The following FOXO3 variants were observed in gnomAD, a reference collection of about 807,000 sequenced individuals.
FOXO3 encodes the protein forkhead box O3.
FOXO3 carries 4 observed loss-of-function variants against 41.9 expected under a neutral mutation model. That is an observed-to-expected ratio of 0.10 (90% CI 0.05 to 0.22). The LOEUF (loss-of-function observed/expected upper bound fraction) is 0.22, where lower values mean the gene tolerates loss of function less well. Ranked by LOEUF, FOXO3 falls within the 10% of genes least tolerant of loss-of-function variation. The pLI, the probability that FOXO3 is intolerant of heterozygous loss-of-function variation, is 1.00. For missense variants in FOXO3, 534 were observed against 906.8 expected (o/e 0.59, Z 5.28); for synonymous variants, 318 against 389.3 (o/e 0.82, Z 2.16).
At chr6:108,605,342 C>T (rs1777168287) in intron 1 of FOXO3, among the ~76,000 whole-genome samples, 1 of 152,200 alleles carries the variant, frequency 6.6e-6, no homozygotes, top group African/African-American at 2.4e-5. Context: ...TGGTCTCGAA[C>T]TCCTGACCTT....
At chr6:108,618,816 C>G (rs539294887) in intron 1 of FOXO3, among the ~76,000 whole-genome samples, 83 of 152,286 alleles carry the variant, frequency 5.5e-4, no homozygotes, top group African/African-American at 1.8e-3. Context: ...TTGTGCTGCT[C>G]TCTTCTCCTG....
chr6:108,582,288 C>CA (rs1291481828), intron 1 of FOXO3, among the ~76,000 whole-genome samples: 1 of 152,154 alleles, frequency 6.6e-6, no homozygotes, highest in Non-Finnish European at 1.5e-5. Context: ...GCAGGCCCAG[C>CA]AGGCTTGGGC....
intron 1 of FOXO3, among the ~76,000 whole-genome samples, chr6:108,595,732 C>T (rs1039206470): frequency 6.6e-6 from 1 of 152,172 alleles, no homozygotes; most frequent in Non-Finnish European, 1.5e-5. Context: ...ATCTCCTCTC[C>T]TGTTTTAAGT....
intron 1 of FOXO3, among the ~76,000 whole-genome samples, chr6:108,652,215 T>C (rs535127354): frequency 6.6e-6 from 1 of 152,320 alleles, no homozygotes; most frequent in African/African-American, 2.4e-5. Context: ...AGTTTATGGC[T>C]ATAGTAATAT....
intron 1 of FOXO3, among the ~76,000 whole-genome samples, chr6:108,618,940 C>T (rs150623228): frequency 6.6e-6 from 1 of 152,338 alleles, no homozygotes; most frequent in Non-Finnish European, 1.5e-5. Context: ...GTTCCCCCTT[C>T]TCTTTGCTGT....
intron 1 of FOXO3, among the ~76,000 whole-genome samples, chr6:108,640,576 G>A (rs1190614043): frequency 1.3e-5 from 2 of 151,984 alleles, no homozygotes; most frequent in Non-Finnish European, 2.9e-5. Flanking sequence ...TTTTTTTAAT[G>A]CATCGTTTTC....
intron 1 of FOXO3, among the ~76,000 whole-genome samples, chr6:108,661,752 T>G (rs1407841558): frequency 6.6e-6 from 1 of 152,226 alleles, no homozygotes; most frequent in South Asian, 2.1e-4. Flanking sequence ...GTGGCAGAGA[T>G]AGGACTGAAT....
chr6:108,613,451 G>A (rs1347966918), intron 1 of FOXO3, among the ~76,000 whole-genome samples: 1 of 152,114 alleles, frequency 6.6e-6, no homozygotes, highest in Non-Finnish European at 1.5e-5. Flanking sequence ...TCTTGAATGA[G>A]TTTTGGTAGT....
At chr6:108,572,789 G>C (rs1776141562) in intron 1 of FOXO3, among the ~76,000 whole-genome samples, 1 of 152,100 alleles carries the variant, frequency 6.6e-6, no homozygotes, top group South Asian at 2.1e-4. Context: ...TACTCAACTA[G>C]GTTTTTTATG....
intron 1 of FOXO3, among the ~76,000 whole-genome samples, chr6:108,640,953 G>C (rs769483759): frequency 1.3e-5 from 2 of 152,002 alleles, no homozygotes; most frequent in Non-Finnish European, 2.9e-5. Context: ...CCACTCTGTC[G>C]CCCAGGCTAG....
chr6:108,598,153 A>G (rs1180628150), intron 1 of FOXO3, among the ~76,000 whole-genome samples: 1 of 152,174 alleles, frequency 6.6e-6, no homozygotes, highest in Non-Finnish European at 1.5e-5. Context: ...AATAATGTAC[A>G]ACACTGTGGG....
chr6:108,654,495 G>A (rs569100254), intron 1 of FOXO3, among the ~76,000 whole-genome samples: 51 of 152,184 alleles, frequency 3.4e-4, no homozygotes, highest in African/African-American at 1.0e-3. Flanking sequence ...AGCCTCATAT[G>A]TCTCATTTTG....
Position 108,561,745 on chromosome 6 carries a change from T to C in FOXO3, c.537T>C (p.Thr179=). 1 of 1,607,898 alleles carries C rather than the reference T, an allele frequency of 6.2e-7. No homozygotes were observed. Among genetic ancestry groups the C allele is most frequent in the South Asian group, 1.1e-5 (1 of 90,386 alleles). The change falls in exon 1 of 3, where the codon ACT becomes ACC. Residue 179 remains threonine, a synonymous_variant. Coordinates refer to ENST00000406360, the MANE Select transcript of FOXO3 (RefSeq NM_001455.4). Reference sequence around the variant, plus strand: ...AGAGCTCCCCGGACAAACGGCTCACTCTGTCCCAGATCTACGAGTGGATGG... The same window carrying C: ...AGAGCTCCCCGGACAAACGGCTCACCCTGTCCCAGATCTACGAGTGGATGG... The part of the protein sequence containing the change: ...AIESSPDKRL[T]LSQIYEWMVR...
In FOXO3 at chr6:108,596,382, GAAA is replaced by G. The variant is rs61683111; in HGVS notation, c.621+34575_621+34577del. The stretch of plus-strand genomic sequence containing the variant: ...TGGACTCCTGGTTAATGGCCTAAAT[GAAA>G]AAAAAAAAAAAAAAAAAAAAAGTTC... On this transcript the variant is annotated intron_variant, in intron 1 of 2. Transcript: ENST00000406360. Among the ~76,000 whole-genome samples, 111 of 58,258 alleles carry G rather than the reference GAAA, an allele frequency of 1.9e-3. 1 individual carries two copies. In the East Asian group the frequency reaches 0.022, roughly 12 times the overall value. 38.2% of individuals were successfully genotyped at this position (58,258 alleles called of 152,430 possible). A position where few individuals can be genotyped will look rare whatever the true frequency, so the allele number is the denominator to read the frequency against.
chr6:108,620,030 A>G (rs2128372455), intron 1 of FOXO3, among the ~76,000 whole-genome samples: 1 of 152,342 alleles, frequency 6.6e-6, no homozygotes, highest in Non-Finnish European at 1.5e-5. Context: ...TGCTGTAGTC[A>G]TAGTGAATCA....
intron 1 of FOXO3, among the ~76,000 whole-genome samples, chr6:108,610,983 G>A (rs1262220792): frequency 2.0e-5 from 3 of 152,034 alleles, no homozygotes; most frequent in African/African-American, 2.4e-5. Flanking sequence ...ACATTTCATC[G>A]CCACAAAAAA....
At chr6:108,640,998 G>A (rs910522087) in intron 1 of FOXO3, among the ~76,000 whole-genome samples, 7 of 152,042 alleles carry the variant, frequency 4.6e-5, no homozygotes, top group African/African-American at 1.7e-4. Context: ...ACTGCATCCT[G>A]TGTCTCCTAG....
At chr6:108,660,487 C>T (rs1356495133) in intron 1 of FOXO3, among the ~76,000 whole-genome samples, 1 of 152,176 alleles carries the variant, frequency 6.6e-6, no homozygotes, top group Non-Finnish European at 1.5e-5. Context: ...TATTGCCTAT[C>T]CTGAACTACA....
At chr6:108,642,089 G>GTTTT (rs5878987) in intron 1 of FOXO3, among the ~76,000 whole-genome samples, 11 of 134,980 alleles carry the variant, frequency 8.1e-5, no homozygotes, top group Non-Finnish European at 9.4e-5. Flanking sequence ...TGCTTTTGGT[G>GTTTT]TTTTTTTTTT....
Sources: allele counts gnomAD v4.1 joint callset (sites outside exome capture counted in the v4.1 genomes callset), GRCh38; gene constraint gnomAD v4.1.1; transcripts MANE v1.5; gene names NCBI Gene and HGNC (gene_info 2026-07-23, HGNC 2026-07-21).